Variants in BABAM2 observed in about 807,000 individuals in gnomAD.
The protein encoded by BABAM2 is BRISC and BRCA1-A complex member 2.
A neutral mutation model predicts 54.7 loss-of-function variants in BABAM2; 31 were observed. The observed-to-expected ratio is 0.57, with a 90% CI of 0.43 to 0.77. BABAM2 has a LOEUF of 0.77. BABAM2 is among the 30% of genes least tolerant of loss of function. The pLI is 0.00. For synonymous variants in BABAM2, 167 were observed against 162.9 expected, an observed-to-expected ratio of 1.03 and a Z score of -0.19; for missense variants, 364 against 455.8, an observed-to-expected ratio of 0.80 and a Z score of 1.83.
In BABAM2 at chr2:28,329,049, TC is replaced by T. The variant is rs1690719980; in HGVS notation, c.1089-9399del. Among the ~76,000 whole-genome samples the T allele has an allele frequency of 6.6e-6, 1 of 152,228 alleles. No homozygotes were observed. The highest frequency in any genetic ancestry group is 2.1e-4 in the South Asian group (1 of 4,836). ...AGATGAGACTTCGTTGAACAAAGTT[TC>T]CTACTGGCCTCAACCCCAAGGCCTC... is the stretch of plus-strand genomic sequence containing the variant. On this transcript the variant is annotated intron_variant, in intron 11 of 11. Coordinates refer to ENST00000379624, the MANE Select transcript of BABAM2 (RefSeq NM_199191.3). This position sits in a 1 kb window ranked among gnomAD's most constrained non-coding sequence, Gnocchi z 4.2.
intron 10 of BABAM2, among the ~76,000 whole-genome samples, chr2:28,291,784 T>C (rs1056293629): frequency 2.6e-5 from 4 of 152,374 alleles, no homozygotes; most frequent in Admixed American, 2.6e-4. Flanking sequence ...AATGTTACTT[T>C]TATATTTCTT....
chr2:28,021,139 T>C (rs77805769), intron 4 of BABAM2, among the ~76,000 whole-genome samples: 2,090 of 152,290 alleles, frequency 0.014, 56 homozygotes, highest in African/African-American at 0.048. Flanking sequence ...TTTCTTCTCT[T>C]GTGGGAAATG....
chr2:27,897,264 C>T (rs973757854), intron 2 of BABAM2: 1 of 152,204 alleles, frequency 6.6e-6, no homozygotes, highest in African/African-American at 2.4e-5. Flanking sequence ...GCCATCTACA[C>T]ACCTTGCTGT....
chr2:28,010,531 C>T lies in BABAM2; in HGVS notation c.301-14695C>T, dbSNP rs145058190. ...TGGCCTAGTAAGAGCTTATGTGCCT[C>T]TTCCTCTGATCTTTCCCCTAAAGAG... On this transcript the variant is annotated intron_variant, in intron 4 of 11. Transcript: ENST00000379624. Among the ~76,000 whole-genome samples the T allele has an allele frequency of 1.5e-3, 235 of 152,204 alleles. 3 individuals are homozygous for T. In the East Asian group the frequency reaches 0.039, roughly 25 times the overall value.
chr2:27,931,193 G>A (rs1402832044), intron 3 of BABAM2, among the ~76,000 whole-genome samples: 2 of 152,110 alleles, frequency 1.3e-5, no homozygotes, highest in African/African-American at 4.8e-5. Flanking sequence ...CCTGTCTGAA[G>A]TAGTAGGACA....
intron 7 of BABAM2, among the ~76,000 whole-genome samples, chr2:28,220,159 G>T (rs1680268498): frequency 6.6e-6 from 1 of 152,182 alleles, no homozygotes; most frequent in South Asian, 2.1e-4. Context: ...GGTCTGTGGT[G>T]GGAGGCAGTG....
chr2:28,231,703 C>T (rs1048222867), intron 7 of BABAM2, among the ~76,000 whole-genome samples: 2 of 143,550 alleles, frequency 1.4e-5, no homozygotes, highest in Admixed American at 6.9e-5. Context: ...AGTAAAGTCT[C>T]TCTTGGAGTG....
At position 27,903,118 on chromosome 2, in the gene BABAM2, G is replaced by A. The variant is rs1043655596; in HGVS notation, c.128+8434G>A. Among the ~76,000 whole-genome samples the A allele has an allele frequency of 8.7e-5, 13 of 150,194 alleles. 1 individual carries two copies. In the Admixed American group the frequency reaches 8.7e-4, roughly 10 times the overall value. On this transcript the variant is annotated intron_variant, in intron 2 of 11. Transcript: ENST00000379624. ...ACCCCCCCCACCGTATGGATAATTG[G>A]TTGACCTAGCCTCATTTATTGAGAA...
intron 3 of BABAM2, among the ~76,000 whole-genome samples, chr2:27,932,982 T>C (rs1051218349): frequency 2.6e-5 from 4 of 152,230 alleles, no homozygotes; most frequent in Non-Finnish European, 5.9e-5. Flanking sequence ...TCTTTCTGTA[T>C]TCACTATCAT....
At chr2:28,318,064 A>G (rs1179551443) in intron 11 of BABAM2, among the ~76,000 whole-genome samples, 3 of 152,188 alleles carry the variant, frequency 2.0e-5, no homozygotes, top group African/African-American at 7.2e-5. Flanking sequence ...TGGACGTGTT[A>G]GTCAATCTCT....
intron 3 of BABAM2, among the ~76,000 whole-genome samples, chr2:27,975,111 G>A (rs915944722): frequency 6.6e-6 from 1 of 151,958 alleles, no homozygotes; most frequent in African/African-American, 2.4e-5. Flanking sequence ...TCAAGGATGG[G>A]AAGACTCAAC....
rs1687875227 is a variant in BABAM2 at position 28,298,550 on chromosome 2, G to A, written c.1088+59G>A. On this transcript the variant is annotated intron_variant, in intron 11 of 11. Transcript: ENST00000379624. ...GAGCATTTTGTTTATCTAGTCCAGGGGTTGGCAAGCTACTGCTTGCAGGTT... is the reference window on the plus strand; with the variant it reads ...GAGCATTTTGTTTATCTAGTCCAGGAGTTGGCAAGCTACTGCTTGCAGGTT... The A allele has an allele frequency of 6.2e-6, 10 of 1,600,038 alleles. No homozygotes were observed. In the South Asian group the frequency reaches 1.1e-4, roughly 18 times the overall value.
chr2:28,185,044 T>C (rs773491841), intron 7 of BABAM2, among the ~76,000 whole-genome samples: 19 of 152,196 alleles, frequency 1.2e-4, no homozygotes, highest in Non-Finnish European at 1.2e-4. Context: ...CTGCAAAGAA[T>C]AAATAAGGCT....
intron 7 of BABAM2, among the ~76,000 whole-genome samples, chr2:28,187,691 G>A (rs965957821): frequency 1.6e-5 from 2 of 124,654 alleles, no homozygotes; most frequent in African/African-American, 3.2e-5. Flanking sequence ...TTTTTGAGAC[G>A]GAGTCTCTCT....
intron 4 of BABAM2, among the ~76,000 whole-genome samples, chr2:28,000,690 C>T (rs1020349432): frequency 6.6e-6 from 1 of 152,118 alleles, no homozygotes; most frequent in African/African-American, 2.4e-5. Flanking sequence ...TGTCTATTCT[C>T]TCCATTTATT....
intron 3 of BABAM2, among the ~76,000 whole-genome samples, chr2:27,968,866 A>T (rs1174091668): frequency 6.6e-6 from 1 of 152,162 alleles, no homozygotes; most frequent in Admixed American, 6.5e-5. Flanking sequence ...GAGACTTTGG[A>T]TGCCAAAATG....
At chr2:28,082,709 G>A (rs925983276) in intron 6 of BABAM2, among the ~76,000 whole-genome samples, 1 of 152,108 alleles carries the variant, frequency 6.6e-6, no homozygotes, top group Non-Finnish European at 1.5e-5. Context: ...TAGACTCTAT[G>A]CTTAATTAAT....
At chr2:28,102,002 A>G (rs1040726765) in intron 6 of BABAM2, among the ~76,000 whole-genome samples, 2 of 152,204 alleles carry the variant, frequency 1.3e-5, no homozygotes, top group African/African-American at 2.4e-5. Context: ...CTTGGTATCA[A>G]TTGTTGTAAA....
At chr2:28,208,717 G>T (rs1679145074) in intron 7 of BABAM2, among the ~76,000 whole-genome samples, 1 of 147,368 alleles carries the variant, frequency 6.8e-6, no homozygotes, top group Non-Finnish European at 1.5e-5. Context: ...AGATAATCAT[G>T]TAAGTTCCTG....
Sources: gnomAD v4.1 joint callset for allele counts (sites outside exome capture counted in the v4.1 genomes callset) on GRCh38, gnomAD v4.1.1 for gene constraint, Gnocchi (gnomAD v3.1) non-coding constraint, MANE v1.5 for transcripts, NCBI Gene and HGNC (gene_info 2026-07-23, HGNC 2026-07-21) for gene names.